The following ATP11B variants were observed in gnomAD, a reference collection of about 807,000 sequenced individuals.
The protein encoded by ATP11B is phospholipid-transporting ATPase IF.
A neutral mutation model predicts 157.8 loss-of-function variants in ATP11B; 81 were observed. That is an observed-to-expected ratio of 0.51 (90% CI 0.43 to 0.62). ATP11B has a LOEUF of 0.62. ATP11B is among the 20% of genes least tolerant of loss of function. The probability of loss-of-function intolerance (pLI) is 0.00; values close to 1 mark genes in which losing one functional copy is unlikely to be tolerated. For synonymous variants in ATP11B, 451 were observed against 469.4 expected (o/e 0.96, Z 0.51); for missense variants, 1,165 against 1,402.2 (o/e 0.83, Z 2.70).
chr3:182,850,247 A>G (rs182341949), intron 10 of ATP11B, among the ~76,000 whole-genome samples: 1 of 152,160 alleles, frequency 6.6e-6, no homozygotes, highest in Admixed American at 6.5e-5. Context: ...CCAAGGCAGG[A>G]GGATCACTTG....
chr3:182,854,105 C>T (rs1223275952), intron 10 of ATP11B, among the ~76,000 whole-genome samples: 3 of 152,182 alleles, frequency 2.0e-5, no homozygotes. Context: ...AACTTAGCTT[C>T]TGCCTTATGC....
rs1348182923 is a variant in ATP11B, at chr3:182,793,709, C to G, written c.-51C>G. 1 of 1,343,560 alleles carries G rather than the reference C, an allele frequency of 7.4e-7. No homozygotes were observed. Among genetic ancestry groups the G allele is most frequent in the Admixed American group, 2.6e-5 (1 of 38,274 alleles). 83.2% of individuals were successfully genotyped at this position (1,343,560 alleles called of 1,614,324 possible). ...CCTCTGTCTTGTCGGCCTCCACCTGCAGCCCCGCGGCCCCCGCGCCCCGCG... is the reference window on the plus strand; with the variant it reads ...CCTCTGTCTTGTCGGCCTCCACCTGGAGCCCCGCGGCCCCCGCGCCCCGCG... On this transcript the variant is annotated 5_prime_UTR_variant, in exon 1 of 30. Coordinates refer to ENST00000323116, the MANE Select transcript of ATP11B (RefSeq NM_014616.3).
intron 28 of ATP11B, chr3:182,905,738 T>C (rs1179150938): frequency 2.2e-6 from 1 of 456,390 alleles, no homozygotes. Flanking sequence ...TAAACCTCTA[T>C]ATGGTGAAGA....
At chr3:182,909,152 A>C (rs1724588805) in intron 28 of ATP11B, among the ~76,000 whole-genome samples, 1 of 152,252 alleles carries the variant, frequency 6.6e-6, no homozygotes, top group African/African-American at 2.4e-5. Flanking sequence ...GTTTCAGGAA[A>C]ATATTTTGTA....
chr3:182,859,238 C>T lies in ATP11B; in HGVS notation c.1079C>T (p.Thr360Ile), dbSNP rs766740902. 1.2e-6 allele frequency: 2 copies of T among 1,612,628 alleles called. No homozygotes were observed. Among genetic ancestry groups the T allele is most frequent in the Non-Finnish European group, 1.7e-6 (2 of 1,179,174 alleles). ...NFIIPISLYV[T>I]VEMQKFLGSF... is the part of the protein sequence containing the mutation. The stretch of plus-strand genomic sequence containing the variant: ...ATCATTCCAATTTCATTATATGTGA[C>T]AGTCGAAATGCAGAAATTTCTTGGA... The change falls in exon 12 of 30, where the codon ACA (threonine) becomes ATA (isoleucine). Residue 360 changes from threonine (T) to isoleucine (I), a missense_variant. By Grantham distance (89) the Thr-to-Ile change is moderately conservative (BLOSUM62 -1). Transcript: ENST00000323116.
chr3:182,908,884 T>C (rs1331818220), intron 28 of ATP11B, among the ~76,000 whole-genome samples: 1 of 152,236 alleles, frequency 6.6e-6, no homozygotes, highest in Non-Finnish European at 1.5e-5. Flanking sequence ...TTCATTTTTG[T>C]TTTTAAAATT....
intron 7 of ATP11B, among the ~76,000 whole-genome samples, chr3:182,840,788 C>T (rs1355848801): frequency 6.6e-6 from 1 of 152,146 alleles, no homozygotes; most frequent in Non-Finnish European, 1.5e-5. Context: ...ACCATCTTTT[C>T]CTAGTTTTGT....
At chr3:182,888,836 C>G (rs1304548362) in intron 24 of ATP11B, among the ~76,000 whole-genome samples, 1 of 151,048 alleles carries the variant, frequency 6.6e-6, no homozygotes, top group Non-Finnish European at 1.5e-5. Context: ...GCATGAGCCA[C>G]CATGCCCAGC....
intron 25 of ATP11B, 137 bp from the exon 26 acceptor site, chr3:182,896,563 T>C (rs1022457699): frequency 7.3e-6 from 5 of 680,624 alleles, no homozygotes; most frequent in Admixed American, 7.0e-5. Flanking sequence ...CTTTTAACTT[T>C]ATGAGTATAG....
At chr3:182,905,579 T>C (rs1372006740) in intron 28 of ATP11B, among the ~76,000 whole-genome samples, 1 of 152,182 alleles carries the variant, frequency 6.6e-6, no homozygotes, top group African/African-American at 2.4e-5. Flanking sequence ...AGTTAGAGCT[T>C]CGTGCACTGA....
intron 28 of ATP11B, among the ~76,000 whole-genome samples, chr3:182,906,777 T>A (rs1237270703): frequency 1.6e-4 from 22 of 133,722 alleles, no homozygotes; most frequent in African/African-American, 4.2e-4. Context: ...GTATCTGTTT[T>A]AAAAAAAAAA....
chr3:182,807,419 C>T (rs1716391843), intron 1 of ATP11B, among the ~76,000 whole-genome samples: 1 of 152,092 alleles, frequency 6.6e-6, no homozygotes, highest in Non-Finnish European at 1.5e-5. Flanking sequence ...ATTAGTTAGG[C>T]CTGGCTTATA....
intron 1 of ATP11B, 74 bp downstream of exon 1, chr3:182,793,860 G>T (rs1477248196): frequency 1.9e-6 from 2 of 1,057,334 alleles, no homozygotes; most frequent in South Asian, 7.0e-5. Context: ...GCGGGGAAAG[G>T]CCGGCGGCGC....
At chr3:182,902,692 GAA>G (rs1440453839) in intron 28 of ATP11B, 1 of 356,532 alleles carries the variant, frequency 2.8e-6, no homozygotes, top group Non-Finnish European at 4.9e-6. Flanking sequence ...CCCTGTCTCT[GAA>G]TAATTTGACC....
intron 10 of ATP11B, among the ~76,000 whole-genome samples, chr3:182,852,609 A>G (rs1331577207): frequency 2.0e-5 from 3 of 152,204 alleles, no homozygotes; most frequent in Non-Finnish European, 2.9e-5. Flanking sequence ...TCTCCACGCT[A>G]AAGATTTGCC....
At position 182,836,342 on chromosome 3, in the gene ATP11B, G is replaced by A. The variant is rs768074491; in HGVS notation, c.424G>A (p.Val142Met). 1 of 1,613,396 alleles carries A rather than the reference G, an allele frequency of 6.2e-7. No individual in the cohort carries two copies. Among genetic ancestry groups the A allele is most frequent in the Non-Finnish European group, 8.5e-7 (1 of 1,179,660 alleles). ...CACTCTTCCCCAAAATTCTTTATAG[G>A]TGGGTGATATTGTTCGAATAGCCAA... Reference protein sequence around the residue: ...LVKTRSKNIRVGDIVRIAKDE... With the variant: ...LVKTRSKNIRMGDIVRIAKDE... Residue 142 changes from valine to methionine, a missense_variant and splice_region_variant, in exon 6 of 30, where the codon GTG becomes ATG. Physicochemically the swap from Val to Met is conservative, Grantham distance 21. Coordinates refer to ENST00000323116, the MANE Select transcript of ATP11B (RefSeq NM_014616.3).
At chr3:182,914,785 T>G (rs201939301) in intron 29 of ATP11B, 2 of 985,294 alleles carry the variant, frequency 2.0e-6, no homozygotes, top group East Asian at 2.3e-4. Context: ...ATTCATACAT[T>G]TCCCCAAGAG....
intron 1 of ATP11B, among the ~76,000 whole-genome samples, chr3:182,804,274 C>T (rs956188060): frequency 4.0e-4 from 60 of 150,556 alleles, no homozygotes; most frequent in African/African-American, 1.4e-3. Flanking sequence ...GAGACAGAGT[C>T]TCCCTCTGAC....
intron 12 of ATP11B, among the ~76,000 whole-genome samples, chr3:182,865,228 A>G (rs77840940): frequency 1.3e-5 from 2 of 152,244 alleles, no homozygotes; most frequent in African/African-American, 4.8e-5. Flanking sequence ...TAAAGATGCC[A>G]CAAACTTCAA....
Sources: allele counts gnomAD v4.1 joint callset (sites outside exome capture counted in the v4.1 genomes callset), GRCh38; gene constraint gnomAD v4.1.1; transcripts MANE v1.5; gene names NCBI Gene and HGNC (gene_info 2026-07-23, HGNC 2026-07-21).